Variants in HLA-DQB1 observed in about 807,000 individuals in gnomAD.
The protein encoded by HLA-DQB1 is HLA class II histocompatibility antigen, DQ beta 1 chain.
Under a neutral mutation model 26.4 loss-of-function variants are expected in HLA-DQB1, and 13 were observed. That is an observed-to-expected ratio of 0.49 (90% CI 0.32 to 0.78). HLA-DQB1 has a LOEUF of 0.78. HLA-DQB1 is among the 30% of genes least tolerant of loss of function. The probability of loss-of-function intolerance (pLI) is 0.03; values close to 1 mark genes in which losing one functional copy is unlikely to be tolerated. For missense variants in HLA-DQB1, 158 were observed against 326.2 expected (o/e 0.48, Z 3.97); for synonymous variants, 60 against 129.1 (o/e 0.46, Z 3.63).
chr6:32,666,073 A>G (rs1784087854), intron 1 of HLA-DQB1, among the ~76,000 whole-genome samples: 1 of 117,326 alleles, frequency 8.5e-6, no homozygotes. Context: ...TTCCTCAAAT[A>G]CAGAGACTAC....
intron 4 of HLA-DQB1, 77 bp downstream of exon 4, chr6:32,661,270 A>C (rs9273577): frequency 3.1e-6 from 2 of 635,714 alleles, no homozygotes; most frequent in Non-Finnish European, 5.1e-6. Context: ...GGAAAGAGCT[A>C]ATCTACAGAC....
At position 32,660,325 on chromosome 6, in the gene HLA-DQB1, C is replaced by A; in HGVS notation, c.773-76G>T. ...GCCATCTCCCCCACCCTTCAGGGGC[C>A]CCCTGCAGCTTCAGACAGAGAAAGT... is the stretch of plus-strand genomic sequence containing the variant. On this transcript the variant is annotated intron_variant, in intron 4 of 4. Coordinates refer to ENST00000434651, the Ensembl canonical transcript of HLA-DQB1. 3 of 728,800 alleles carry A rather than the reference C, an allele frequency of 4.1e-6. 1 individual carries two copies. The highest frequency in any genetic ancestry group is 6.4e-6 in the Non-Finnish European group (3 of 466,090). The allele number at this position is 728,800 out of a possible 1,614,324, so 45.1% of individuals were successfully genotyped here. A position where few individuals can be genotyped will look rare whatever the true frequency, so the allele number is the denominator to read the frequency against.
intron 4 of HLA-DQB1, chr6:32,660,986 A>G: frequency 4.3e-6 from 3 of 695,368 alleles, no homozygotes; most frequent in South Asian, 1.6e-5. Context: ...TTCTCTTCCC[A>G]CCCATGTTCT....
chr6:32,661,492 C>T lies in HLA-DQB1; in HGVS notation c.662-35G>A, dbSNP rs9273685. ...AGAACTGAGTGTCTGTGTTTGTCCC[C>T]ACACCCCATAGCATCCCTGCTGAGG... On this transcript the variant is annotated intron_variant, in intron 3 of 4. Coordinates refer to ENST00000434651, the Ensembl canonical transcript of HLA-DQB1. 2,389 of 1,026,334 alleles carry T rather than the reference C, an allele frequency of 2.3e-3. 32 individuals are homozygous for T. The highest frequency in any genetic ancestry group is 1.0e-2 in the Admixed American group (307 of 30,802). 63.6% of individuals were successfully genotyped at this position (1,026,334 alleles called of 1,614,324 possible). A position where few individuals can be genotyped will look rare whatever the true frequency, so the allele number is the denominator to read the frequency against.
rs866897949 is a variant in HLA-DQB1 at position 32,660,269 on chromosome 6, A to G, written c.773-20T>C. 109,172 of 939,900 alleles carry G rather than the reference A, an allele frequency of 0.12. 33,048 individuals carry two copies. The highest frequency in any genetic ancestry group is 0.36 in the Admixed American group (10,607 of 29,086). 58.2% of individuals were successfully genotyped at this position (939,900 alleles called of 1,614,324 possible). ...GAAGCCCTGGAGAAGAGAGAAGAGC[A>G]TTGATCAGCACAGGGTATCCTGGTG... On this transcript the variant is annotated intron_variant, in intron 4 of 4. Transcript: ENST00000434651.
chr6:32,661,862 T>C (rs9273866), intron 3 of HLA-DQB1, 105 bp downstream of exon 3: 159,341 of 931,462 alleles, frequency 0.17, 17,290 homozygotes, highest in East Asian at 0.37. Flanking sequence ...CTCCTGTGAT[T>C]CCCAGCTCAG....
chr6:32,664,930 T>A (rs1199673936), exon 2 of HLA-DQB1: 3 of 1,354,372 alleles, frequency 2.2e-6, no homozygotes, highest in Non-Finnish European at 2.1e-6. Flanking sequence ...CCCTGCGGCG[T>A]CACCGCGCGG....
At chr6:32,665,325 C>T (rs9274435) in intron 1 of HLA-DQB1, among the ~76,000 whole-genome samples, 27,754 of 135,150 alleles carry the variant, frequency 0.21, 3,529 homozygotes, top group Middle Eastern at 0.24. Context: ...GTGAACCCAG[C>T]GAAGAGGCAG....
In HLA-DQB1 at chr6:32,665,471, G is replaced by A. The variant is rs281861707; in HGVS notation, c.110-404C>T. Among the ~76,000 whole-genome samples, 7 of 121,646 alleles carry A rather than the reference G, an allele frequency of 5.8e-5. 1 individual carries two copies. The highest frequency in any genetic ancestry group is 5.7e-4 in the Admixed American group (6 of 10,494). 79.8% of individuals were successfully genotyped at this position (121,646 alleles called of 152,430 possible). A position where few individuals can be genotyped will look rare whatever the true frequency, so the allele number is the denominator to read the frequency against. ...AAATCTGAGAGTTCAACGGAATGAC[G>A]AGATAGGTCCAGGAATTAAGCCTGG... On this transcript the variant is annotated intron_variant, in intron 1 of 4. Transcript: ENST00000434651.
intron 1 of HLA-DQB1, among the ~76,000 whole-genome samples, chr6:32,665,429 G>C (rs281861745): frequency 7.3e-6 from 1 of 136,394 alleles, no homozygotes; most frequent in African/African-American, 2.6e-5. Flanking sequence ...ATACCTCAGA[G>C]ATAAAGTTAT....
Position 32,663,819 on chromosome 6 carries a change from T to A in HLA-DQB1, c.379+979A>T, listed in dbSNP as rs281863197. ...GCCAAAAGCAACCTGAAACTATTTT[T>A]ATCCAATAATTTAATAGCTTCAACC... On this transcript the variant is annotated intron_variant, in intron 2 of 4. Transcript: ENST00000434651. 2.8e-5 allele frequency: 4 copies of A among 142,640 alleles called. No individual in the cohort carries two copies. In the South Asian group the frequency reaches 9.4e-4, roughly 33 times the overall value. The allele number at this position is 142,640 out of a possible 1,614,324, so 8.8% of individuals were successfully genotyped here.
chr6:32,664,818 C>A lies in HLA-DQB1; in HGVS notation c.359G>T (p.Arg120Leu). 3 of 1,088,312 alleles carry A rather than the reference C, an allele frequency of 2.8e-6. 1 individual carries two copies. The highest frequency in any genetic ancestry group is 3.9e-6 in the Non-Finnish European group (3 of 761,216). The allele number at this position is 1,088,312 out of a possible 1,614,324, so 67.4% of individuals were successfully genotyped here. The change falls in exon 2 of 5, where the codon CGC (arginine) becomes CTC (leucine). Residue 120 changes from arginine to leucine, a missense_variant. Coordinates refer to ENST00000434651, the Ensembl canonical transcript of HLA-DQB1. Reference sequence around the variant, plus strand: ...CTCACCTCTCCTCTGCAAGATCCCGCGGAACGCCACCTCGTAGTTGTGTCT... The same window carrying A: ...CTCACCTCTCCTCTGCAAGATCCCGAGGAACGCCACCTCGTAGTTGTGTCT...
rs9273511 is a variant in HLA-DQB1, at chr6:32,660,728, T to A, written c.773-479A>T. 0.14 allele frequency: 61,230 copies of A among 440,364 alleles called. 7,526 individuals are homozygous for A. The highest frequency in any genetic ancestry group is 0.19 in the African/African-American group (8,542 of 46,132). 27.3% of individuals were successfully genotyped at this position (440,364 alleles called of 1,614,324 possible). A position where few individuals can be genotyped will look rare whatever the true frequency, so the allele number is the denominator to read the frequency against. On this transcript the variant is annotated intron_variant, in intron 4 of 4. Transcript: ENST00000434651. Reference sequence around the variant, plus strand: ...AGATTCCTAGAAACTGGCAAACTTCTCCCCTAAGTCTTGATCCTCATAGCA... The same window carrying A: ...AGATTCCTAGAAACTGGCAAACTTCACCCCTAAGTCTTGATCCTCATAGCA...
At chr6:32,662,340 G>T (rs9274074) in intron 2 of HLA-DQB1, 92 bp from the exon 3 acceptor site, 1 of 546,698 alleles carries the variant, frequency 1.8e-6, no homozygotes, top group Non-Finnish European at 2.7e-6. Flanking sequence ...CCTTGGACCA[G>T]AGTGGAAAGA....
chr6:32,665,109 CCGCCCCCGCAGCCGCCGCCCTGA>C (rs766650679), intron 1 of HLA-DQB1, 42 bp from the exon 2 acceptor site: 1 of 1,072,212 alleles, frequency 9.3e-7, no homozygotes, highest in East Asian at 3.1e-5. Context: ...CCCAGCCCGG[CCGCCCCCGCAGCCGCCGCCCTGA>C]CCCGGCCTGG....
At chr6:32,661,978 G>T (rs1130399) in exon 3 of HLA-DQB1, 2 of 1,508,528 alleles carry the variant, frequency 1.3e-6, no homozygotes, top group Non-Finnish European at 1.8e-6. Flanking sequence ...CCACTCCACG[G>T]TGATGGGGCT....
intron 2 of HLA-DQB1, 58 bp from the exon 3 acceptor site, chr6:32,662,306 C>T (rs9274055): frequency 0.04 from 31,741 of 791,274 alleles, 7,942 homozygotes; most frequent in South Asian, 0.13. Flanking sequence ...ACACACACCA[C>T]GTCTACCATG....
Position 32,664,824 on chromosome 6 carries a change from G to C in HLA-DQB1, c.353C>G (p.Ala118Gly), listed in dbSNP as rs9274380. The change falls in exon 2 of 5, where the codon GCG (alanine) becomes GGG (glycine). Residue 118 changes from alanine (A) to glycine (G), a missense_variant. Physicochemically the swap from Ala to Gly is moderately conservative, Grantham distance 60. Coordinates refer to ENST00000434651, the Ensembl canonical transcript of HLA-DQB1. Reference sequence around the variant, plus strand: ...TCTCCTCTGCAAGATCCCGCGGAACGCCACCTCGTAGTTGTGTCTGCACAC... The same window carrying C: ...TCTCCTCTGCAAGATCCCGCGGAACCCCACCTCGTAGTTGTGTCTGCACAC... 0.1 allele frequency: 94,412 copies of C among 939,316 alleles called. 32,778 individuals carry two copies. Among genetic ancestry groups the C allele is most frequent in the Middle Eastern group, 0.15 (520 of 3,570 alleles). The allele number at this position is 939,316 out of a possible 1,614,324, so 58.2% of individuals were successfully genotyped here.
At chr6:32,666,157 C>T (rs114003122) in intron 1 of HLA-DQB1, among the ~76,000 whole-genome samples, 25,711 of 146,656 alleles carry the variant, frequency 0.18, 2,504 homozygotes, top group South Asian at 0.22. Context: ...TGGGGCACGC[C>T]TAAATGACAA....
Sources: gnomAD v4.1 joint callset for allele counts (sites outside exome capture counted in the v4.1 genomes callset) on GRCh38, gnomAD v4.1.1 for gene constraint, MANE v1.5 for transcripts, NCBI Gene and HGNC (gene_info 2026-07-23, HGNC 2026-07-21) for gene names.